The following SP140 variants were observed in gnomAD, a reference collection of about 807,000 sequenced individuals.
SP140 encodes nuclear body protein SP140.
In SP140, 81 loss-of-function variants were observed where a neutral mutation model predicts 125.0. The ratio of observed to expected loss-of-function variants is 0.65; its 90% confidence interval spans 0.54 to 0.78. The LOEUF (loss-of-function observed/expected upper bound fraction) is 0.78. Among genes scored for constraint, SP140 ranks in the 30% least tolerant of loss-of-function variants. SP140 has a pLI of 0.00. For missense variants in SP140, 858 were observed against 1,037.0 expected (o/e 0.83, Z 2.37); for synonymous variants, 312 against 354.0 (o/e 0.88, Z 1.33).
chr2:230,265,458 T>C (rs969018690), intron 12 of SP140, among the ~76,000 whole-genome samples: 1 of 152,212 alleles, frequency 6.6e-6, no homozygotes, highest in Non-Finnish European at 1.5e-5. Flanking sequence ...ACAAGAGTTC[T>C]GTCCAGGAGG....
chr2:230,250,769 G>A (rs1015795267), intron 9 of SP140, among the ~76,000 whole-genome samples: 3 of 152,146 alleles, frequency 2.0e-5, no homozygotes, highest in Non-Finnish European at 4.4e-5. Flanking sequence ...AGGAGTCCAG[G>A]CAGCAAGTGA....
intron 24 of SP140, 93 bp from the exon 25 acceptor site, chr2:230,311,061 G>T: frequency 6.3e-7 from 1 of 1,596,118 alleles, no homozygotes; most frequent in South Asian, 1.1e-5. Context: ...AGAGAAACTT[G>T]AGGAAGAAGG....
intron 12 of SP140, among the ~76,000 whole-genome samples, chr2:230,265,381 C>T (rs2052930905): frequency 6.6e-6 from 1 of 152,196 alleles, no homozygotes; most frequent in Admixed American, 6.5e-5. Flanking sequence ...ATCTGCCTCC[C>T]AGCTGCAGAA....
At chr2:230,279,245 T>A (rs1032309604) in intron 15 of SP140, among the ~76,000 whole-genome samples, 1 of 152,100 alleles carries the variant, frequency 6.6e-6, no homozygotes. Context: ...TTACCCAAAG[T>A]GATCTGAAGA....
intron 1 of SP140, among the ~76,000 whole-genome samples, chr2:230,233,907 T>C (rs771488305): frequency 3.9e-5 from 6 of 152,202 alleles, no homozygotes; most frequent in Admixed American, 2.6e-4. Flanking sequence ...GAAAATAATA[T>C]GTTATTATGT....
chr2:230,266,057 G>A (rs922056787), intron 12 of SP140, among the ~76,000 whole-genome samples: 1 of 152,046 alleles, frequency 6.6e-6, no homozygotes, highest in Admixed American at 6.6e-5. Context: ...AAGATATTTG[G>A]GTCAAATGTA....
intron 1 of SP140, among the ~76,000 whole-genome samples, chr2:230,213,384 CTG>C (rs1037261570): frequency 2.0e-5 from 3 of 152,250 alleles, no homozygotes; most frequent in African/African-American, 7.2e-5. Context: ...AAAGAGGTCT[CTG>C]TTTTAATAAA....
intron 9 of SP140, among the ~76,000 whole-genome samples, chr2:230,250,738 G>C (rs2050233267): frequency 2.6e-5 from 4 of 152,132 alleles, no homozygotes; most frequent in Admixed American, 2.6e-4. Flanking sequence ...GAAAGGGGGA[G>C]GGGGAGAAGG....
chr2:230,311,669 A>C, intron 26 of SP140, 74 bp downstream of exon 26: 1 of 1,588,102 alleles, frequency 6.3e-7, no homozygotes. Context: ...AGAAAAATTT[A>C]GTTTCCCTCA....
chr2:230,216,764 G>A, intron 3 of SP140: 4 of 1,613,472 alleles, frequency 2.5e-6, no homozygotes, highest in Non-Finnish European at 3.4e-6. Flanking sequence ...GCCATGGAAG[G>A]GTTCAACATG....
At position 230,220,413 on chromosome 2, in the gene SP140, C is replaced by CA. The variant is rs547679556; in HGVS notation, c.-90-5335dup. On this transcript the variant is annotated intron_variant, in intron 3 of 4. Coordinates refer to the SP140 transcript ENST00000456542. Reference sequence around the variant, plus strand: ...TGTGTTATCAAACTCTAACAACACACAAAAAAACAAAGAGAATGTGCCAGA... The same window carrying CA: ...TGTGTTATCAAACTCTAACAACACACAAAAAAAACAAAGAGAATGTGCCAGA... Among the ~76,000 whole-genome samples, 898 of 152,088 alleles carry CA rather than the reference C, an allele frequency of 5.9e-3. 7 individuals are homozygous for CA. Among genetic ancestry groups the CA allele is most frequent in the Non-Finnish European group, 0.011 (747 of 67,974 alleles).
intron 3 of SP140, chr2:230,238,948 C>T: frequency 6.5e-7 from 1 of 1,538,332 alleles, no homozygotes; most frequent in South Asian, 1.2e-5. Context: ...CTGTGGGAGG[C>T]AGGGTGTGAG....
intron 20 of SP140, among the ~76,000 whole-genome samples, chr2:230,293,158 C>A (rs1308107306): frequency 2.0e-5 from 3 of 152,100 alleles, no homozygotes; most frequent in Non-Finnish European, 2.9e-5. Context: ...AGAACCATGG[C>A]AAAAGTAGCT....
At chr2:230,303,389 C>T (rs1388860989) in intron 22 of SP140, among the ~76,000 whole-genome samples, 2 of 152,158 alleles carry the variant, frequency 1.3e-5, no homozygotes, top group African/African-American at 2.4e-5. Flanking sequence ...AGACCAGTAA[C>T]AAGCAGTGAG....
Position 230,290,481 on chromosome 2 carries a change from A to G in SP140, c.1742A>G (p.Glu581Gly), listed in dbSNP as rs1334418578. 3 of 1,613,918 alleles carry G rather than the reference A, an allele frequency of 1.9e-6. No homozygotes were observed. The highest frequency in any genetic ancestry group is 2.5e-6 in the Non-Finnish European group (3 of 1,179,938). Reference sequence around the variant, plus strand: ...TCAGCTTCAAGAAAGCACAAAGATGAAACTGTGGATTTTAAGGCTCCTTTG... The same window carrying G: ...TCAGCTTCAAGAAAGCACAAAGATGGAACTGTGGATTTTAAGGCTCCTTTG... The part of the protein sequence containing the change: ...RSRASRKHKD[E>G]TVDFKAPLLP... The change falls in exon 19 of 27, where the codon GAA becomes GGA. Residue 581 changes from glutamate to glycine, a missense_variant. Coordinates refer to ENST00000392045, the MANE Select transcript of SP140 (RefSeq NM_007237.5).
Position 230,237,004 on chromosome 2 carries a change from T to C in SP140, c.60-79T>C. 1 of 1,147,834 alleles carries C rather than the reference T, an allele frequency of 8.7e-7. No individual in the cohort carries two copies. Among genetic ancestry groups the C allele is most frequent in the Non-Finnish European group, 1.2e-6 (1 of 827,878 alleles). The allele number at this position is 1,147,834 out of a possible 1,614,324, so 71.1% of individuals were successfully genotyped here. A position where few individuals can be genotyped will look rare whatever the true frequency, so the allele number is the denominator to read the frequency against. ...ATGTTGGCTCTCCATTGGCCATCCT[T>C]CATGTCTAAAATCTTCTAACCACCA... On this transcript the variant is annotated intron_variant, in intron 1 of 26. Transcript: ENST00000392045. The surrounding 1 kb of genome is among the most constrained non-coding windows in gnomAD (Gnocchi z 5.4).
At chr2:230,279,909 C>T (rs2055278555) in intron 15 of SP140, among the ~76,000 whole-genome samples, 1 of 151,954 alleles carries the variant, frequency 6.6e-6, no homozygotes, top group Non-Finnish European at 1.5e-5. Context: ...AGGCATATAC[C>T]ACCCCTAAAC....
rs1298894736 is a variant in SP140, at chr2:230,292,640, T to C, written c.1826-6T>C. The stretch of plus-strand genomic sequence containing the variant: ...GGCTCAGGATCAAGTTACCCTGGTC[T>C]TACAGGAATCTTGGTGAAGTGTATA... On this transcript the variant is annotated splice_polypyrimidine_tract_variant and splice_region_variant and intron_variant, in intron 19 of 26. Transcript: ENST00000392045. The C allele has an allele frequency of 6.2e-7, 1 of 1,614,100 alleles. No homozygotes were observed.
At chr2:230,199,693 T>C (rs188307473), upstream of SP140, among the ~76,000 whole-genome samples, 1 of 152,146 alleles carries the variant, frequency 6.6e-6, no homozygotes, top group Non-Finnish European at 1.5e-5. Context: ...AGAGACCAAA[T>C]AGTTTCTTCT....
Sources: gnomAD v4.1 joint callset for allele counts (sites outside exome capture counted in the v4.1 genomes callset) on GRCh38, gnomAD v4.1.1 for gene constraint, Gnocchi (gnomAD v3.1) non-coding constraint, MANE v1.5 for transcripts, NCBI Gene and HGNC (gene_info 2026-07-23, HGNC 2026-07-21) for gene names.